Variants in ACACA observed in about 807,000 individuals in gnomAD.
The protein encoded by ACACA is acetyl-CoA carboxylase 1.
Under a neutral mutation model 296.1 loss-of-function variants are expected in ACACA, and 103 were observed. That is an observed-to-expected ratio of 0.35 (90% CI 0.30 to 0.41). The LOEUF (loss-of-function observed/expected upper bound fraction) is 0.41. Among genes scored for constraint, ACACA ranks in the 10% least tolerant of loss-of-function variants. The pLI is 1.00. For synonymous variants in ACACA, 953 were observed against 1,038.6 expected, an observed-to-expected ratio of 0.92 and a Z score of 1.58; for missense variants, 1,554 against 2,989.7, an observed-to-expected ratio of 0.52 and a Z score of 11.20.
At chr17:37,134,576 A>C (rs2075253141) in intron 45 of ACACA, among the ~76,000 whole-genome samples, 2 of 152,232 alleles carry the variant, frequency 1.3e-5, no homozygotes, top group Admixed American at 1.3e-4. Flanking sequence ...AAGATGTGAA[A>C]AATTATCATG....
chr17:37,253,758 T>C (rs2081100098), intron 14 of ACACA, among the ~76,000 whole-genome samples: 1 of 152,228 alleles, frequency 6.6e-6, no homozygotes, highest in Non-Finnish European at 1.5e-5. Flanking sequence ...TTATTTATTT[T>C]ATGTATAATT....
At chr17:37,117,825 G>A (rs2074331596) in intron 50 of ACACA, among the ~76,000 whole-genome samples, 1 of 150,002 alleles carries the variant, frequency 6.7e-6, no homozygotes, top group Non-Finnish European at 1.5e-5. Context: ...TCAATTTTCA[G>A]CATAGCAAGA....
intron 3 of ACACA, among the ~76,000 whole-genome samples, chr17:37,316,798 C>T (rs1464129578): frequency 1.3e-5 from 2 of 152,088 alleles, no homozygotes; most frequent in East Asian, 1.9e-4. Context: ...TCAGGCCAGG[C>T]GAGGTAGCTC....
At chr17:37,298,487 G>A (rs1296505284) in intron 3 of ACACA, among the ~76,000 whole-genome samples, 2 of 152,006 alleles carry the variant, frequency 1.3e-5, no homozygotes, top group African/African-American at 4.8e-5. Context: ...TTTGAGACTA[G>A]CCTGGGCAAC....
chr17:37,292,165 T>G (rs1252919055), intron 3 of ACACA, among the ~76,000 whole-genome samples: 2 of 152,196 alleles, frequency 1.3e-5, no homozygotes, highest in Non-Finnish European at 2.9e-5. Flanking sequence ...GAGCTCTATA[T>G]AACTGTATAA....
At chr17:37,381,917 G>GCAA (rs1568082471) in intron 1 of ACACA, among the ~76,000 whole-genome samples, 12 of 151,982 alleles carry the variant, frequency 7.9e-5, no homozygotes, top group Admixed American at 2.6e-4. Flanking sequence ...GTGAGCCACT[G>GCAA]CACCCGGCCA....
In ACACA at chr17:37,191,233, G is replaced by C; in HGVS notation, c.4459C>G (p.Leu1487Val). ...EYLQNEGERL[L>V]LEAMDELEVA... is the part of the protein sequence containing the mutation. The stretch of plus-strand genomic sequence containing the variant: ...TCCAACTCATCCATGGCTTCCAGGA[G>C]TAGCCGCTCCCCTTCATTTTGCAGA... Residue 1487 changes from leucine (L) to valine (V), a missense_variant, in exon 38 of 56, where the codon CTC becomes GTC. Around this residue, in one of 16 missense-constraint regions of ACACA, gnomAD observed 35 missense variants for 131.8 expected, o/e 0.27. Coordinates refer to ENST00000616317, the MANE Select transcript of ACACA (RefSeq NM_198834.3). The C allele has an allele frequency of 6.2e-7, 1 of 1,613,342 alleles. No homozygotes were observed. Among genetic ancestry groups the C allele is most frequent in the Non-Finnish European group, 8.5e-7 (1 of 1,179,852 alleles).
At chr17:37,121,897 C>T (rs1399848971) in intron 49 of ACACA, among the ~76,000 whole-genome samples, 1 of 152,170 alleles carries the variant, frequency 6.6e-6, no homozygotes, top group Admixed American at 6.5e-5. Context: ...AGACAATTGA[C>T]GTCACACTGC....
chr17:37,223,590 T>C lies in ACACA; in HGVS notation c.3486A>G (p.Leu1162=). 6.2e-7 allele frequency: 1 copy of C among 1,605,734 alleles called. No individual in the cohort carries two copies. Among genetic ancestry groups the C allele is most frequent in the Non-Finnish European group, 8.5e-7 (1 of 1,172,372 alleles). The change falls in exon 28 of 56, where the codon CTA becomes CTG. Residue 1162 remains leucine, a synonymous_variant. Coordinates refer to ENST00000616317, the MANE Select transcript of ACACA (RefSeq NM_198834.3). The stretch of plus-strand genomic sequence containing the variant: ...GGACATCAAAAATAGATGTTTCTGA[T>C]AGGATGAGTTTCTAGAAGATACAAA... The part of the protein sequence containing the change: ...FCIENLQKLI[L]SETSIFDVLP...
chr17:37,327,468 G>C (rs1418339473), intron 3 of ACACA, among the ~76,000 whole-genome samples: 1 of 152,084 alleles, frequency 6.6e-6, no homozygotes, highest in Non-Finnish European at 1.5e-5. Context: ...TCAATCCATG[G>C]CTCCTCCACG....
rs751339613 is a variant in ACACA, at chr17:37,085,498, T to G, written c.*1818A>C. On this transcript the variant is annotated 3_prime_UTR_variant, in exon 56 of 56. Transcript: ENST00000616317. ...TTTATTGCAAAAAAGCATAGAAGAA[T>G]AATCTGGTCAAAAATGAATCCAATT... The G allele has an allele frequency of 1.9e-4, 77 of 397,762 alleles. No homozygotes were observed. Among genetic ancestry groups the G allele is most frequent in the Non-Finnish European group, 3.0e-4 (68 of 226,038 alleles). The allele number at this position is 397,762 out of a possible 1,614,324, so 24.6% of individuals were successfully genotyped here. A position where few individuals can be genotyped will look rare whatever the true frequency, so the allele number is the denominator to read the frequency against.
rs2079546381 is a variant in ACACA at position 37,226,388 on chromosome 17, G to A, written c.3311C>T (p.Thr1104Ile). Reference protein sequence around the residue: ...DELLNILTELTQLSKTTNAKV... With the variant: ...DELLNILTELIQLSKTTNAKV... ...GGCATTGGTGGTCTTACTGAGTTGAGTTAGCTCTGTGAGAATATTCAGCAG... is the reference window on the plus strand; with the variant it reads ...GGCATTGGTGGTCTTACTGAGTTGAATTAGCTCTGTGAGAATATTCAGCAG... Residue 1104 changes from threonine (T) to isoleucine (I), a missense_variant, in exon 26 of 56, where the codon ACT becomes ATT. Thr to Ile is a moderately conservative substitution (Grantham distance 89, BLOSUM62 -1). Around this residue, in one of 16 missense-constraint regions of ACACA, gnomAD observed 42 missense variants for 147.5 expected, o/e 0.28. Transcript: ENST00000616317. 1.9e-6 allele frequency: 3 copies of A among 1,614,072 alleles called. No homozygotes were observed. The highest frequency in any genetic ancestry group is 2.5e-6 in the Non-Finnish European group (3 of 1,180,042).
chr17:37,323,709 A>G (rs2047458830), intron 3 of ACACA, among the ~76,000 whole-genome samples: 1 of 152,252 alleles, frequency 6.6e-6, no homozygotes, highest in African/African-American at 2.4e-5. Flanking sequence ...ACACTATGCT[A>G]AGAGGTAAAA....
chr17:37,347,844 A>G (rs1242176679), intron 1 of ACACA, among the ~76,000 whole-genome samples: 2 of 151,880 alleles, frequency 1.3e-5, no homozygotes, highest in Non-Finnish European at 2.9e-5. Context: ...CTCAGAAGAT[A>G]AGGTTAAAGA....
intron 19 of ACACA, among the ~76,000 whole-genome samples, chr17:37,245,773 G>A (rs2080668567): frequency 1.3e-5 from 2 of 152,022 alleles, no homozygotes; most frequent in South Asian, 4.2e-4. Context: ...AATCTTCCTA[G>A]ACCCCAAATC....
intron 1 of ACACA, among the ~76,000 whole-genome samples, chr17:37,357,590 C>G (rs1190386067): frequency 6.6e-6 from 1 of 152,134 alleles, no homozygotes; most frequent in African/African-American, 2.4e-5. Flanking sequence ...CTTTCATATG[C>G]CCACTTTAAA....
chr17:37,276,172 T>C, intron 7 of ACACA, 123 bp from the exon 8 acceptor site: 1 of 736,334 alleles, frequency 1.4e-6, no homozygotes. Context: ...CCCTCACATA[T>C]CAAGGAGATC....
At chr17:37,304,948 A>T (rs2083802261) in intron 3 of ACACA, among the ~76,000 whole-genome samples, 1 of 152,116 alleles carries the variant, frequency 6.6e-6, no homozygotes, top group African/African-American at 2.4e-5. Context: ...ATAAAAATAA[A>T]AATAAATAAA....
intron 45 of ACACA, among the ~76,000 whole-genome samples, chr17:37,141,741 G>A (rs1408655104): frequency 2.0e-5 from 3 of 151,960 alleles, no homozygotes; most frequent in African/African-American, 7.3e-5. Flanking sequence ...GCCCAGGCTG[G>A]AGTGCAATGG....
Sources: gnomAD v4.1 joint callset for allele counts (sites outside exome capture counted in the v4.1 genomes callset) on GRCh38, gnomAD v4.1.1 for gene constraint, gnomAD v4.1.1 regional missense constraint, MANE v1.5 for transcripts, NCBI Gene and HGNC (gene_info 2026-07-23, HGNC 2026-07-21) for gene names.